Variants in CORO2B observed in about 807,000 individuals in gnomAD.
CORO2B encodes coronin-2B.
CORO2B carries 26 observed loss-of-function variants against 58.8 expected under a neutral mutation model. The ratio of observed to expected loss-of-function variants is 0.44; its 90% CI spans 0.32 to 0.61. The LOEUF is 0.61. CORO2B is among the 20% of genes least tolerant of loss of function. CORO2B has a pLI of 0.04. For missense variants in CORO2B, 460 were observed against 645.1 expected (o/e 0.71, Z 3.11); for synonymous variants, 242 against 253.8 (o/e 0.95, Z 0.44).
chr15:68,589,006 C>T (rs556671035), intron 1 of CORO2B, among the ~76,000 whole-genome samples: 1 of 152,310 alleles, frequency 6.6e-6, no homozygotes, highest in East Asian at 1.9e-4. Flanking sequence ...TTTATCATCA[C>T]AAATCTTTCT....
the CORO2B span, among the ~76,000 whole-genome samples, chr15:68,524,228 AG>A: frequency 6.6e-6 from 1 of 152,152 alleles, no homozygotes; most frequent in South Asian, 2.1e-4. Flanking sequence ...TCAAAAAAAA[AG>A]AAAAGAAAAA....
the CORO2B span, among the ~76,000 whole-genome samples, chr15:68,557,967 A>G: frequency 4.8e-3 from 728 of 152,260 alleles, 3 homozygotes; most frequent in African/African-American, 0.016. Flanking sequence ...GAAGGCCACA[A>G]CACACACCTT....
intron 1 of CORO2B, among the ~76,000 whole-genome samples, chr15:68,637,454 A>G (rs1901067031): frequency 6.6e-6 from 1 of 152,322 alleles, no homozygotes; most frequent in South Asian, 2.1e-4. Flanking sequence ...AGCAGTTGAT[A>G]ACGGTGTCTT....
the CORO2B span, among the ~76,000 whole-genome samples, chr15:68,561,516 G>A: frequency 6.6e-6 from 1 of 152,176 alleles, no homozygotes; most frequent in African/African-American, 2.4e-5. Flanking sequence ...CGGTTGTCAA[G>A]GAAACCAGGC....
chr15:68,539,643 T>C, the CORO2B span, among the ~76,000 whole-genome samples: 3 of 152,154 alleles, frequency 2.0e-5, no homozygotes, highest in Non-Finnish European at 4.4e-5. Flanking sequence ...TCTGCCAGGG[T>C]GACAGAGCAA....
intron 1 of CORO2B, among the ~76,000 whole-genome samples, chr15:68,583,429 C>G (rs1899477887): frequency 6.6e-6 from 1 of 152,166 alleles, no homozygotes; most frequent in South Asian, 2.1e-4. Flanking sequence ...AGTGCTCTTT[C>G]CACCCGGCTG....
At chr15:68,529,186 A>G in the CORO2B span, among the ~76,000 whole-genome samples, 1 of 152,170 alleles carries the variant, frequency 6.6e-6, no homozygotes, top group Non-Finnish European at 1.5e-5. Flanking sequence ...CTGTGGGTAC[A>G]TTCTTACTGT....
chr15:68,549,120 A>C, the CORO2B span, among the ~76,000 whole-genome samples: 1 of 152,194 alleles, frequency 6.6e-6, no homozygotes, highest in African/African-American at 2.4e-5. Context: ...TTGCAGAAAA[A>C]TTAGAAAATA....
chr15:68,591,453 T>C (rs558759206), intron 1 of CORO2B, among the ~76,000 whole-genome samples: 1 of 152,312 alleles, frequency 6.6e-6, no homozygotes, highest in Admixed American at 6.5e-5. Flanking sequence ...GAGCTTTGGA[T>C]GCCAAGCCAA....
chr15:68,692,279 G>A (rs970942042), intron 2 of CORO2B, among the ~76,000 whole-genome samples: 1 of 152,112 alleles, frequency 6.6e-6, no homozygotes, highest in African/African-American at 2.4e-5. Flanking sequence ...CATGTGACCC[G>A]CCTCTGCTTA....
At chr15:68,546,143 G>A in the CORO2B span, among the ~76,000 whole-genome samples, 20 of 152,086 alleles carry the variant, frequency 1.3e-4, no homozygotes, top group African/African-American at 4.6e-4. Context: ...CCTATTGATG[G>A]TCCATTCTAT....
chr15:68,683,951 T>C (rs1395428382), intron 2 of CORO2B, among the ~76,000 whole-genome samples: 1 of 152,162 alleles, frequency 6.6e-6, no homozygotes, highest in Non-Finnish European at 1.5e-5. Context: ...CTCTGATGCC[T>C]GGATAAGGAG....
chr15:68,531,543 G>GGAAA, the CORO2B span, among the ~76,000 whole-genome samples: 1 of 31,644 alleles, frequency 3.2e-5, no homozygotes, highest in Non-Finnish European at 7.4e-5. Flanking sequence ...AAGGAAGGAA[G>GGAAA]GAAGGAAGGA....
the CORO2B span, among the ~76,000 whole-genome samples, chr15:68,521,877 G>A: frequency 6.6e-6 from 1 of 151,616 alleles, no homozygotes; most frequent in Admixed American, 6.6e-5. Context: ...AGACTAGCCT[G>A]GCCAACATGG....
intron 1 of CORO2B, among the ~76,000 whole-genome samples, chr15:68,628,093 G>T (rs1347856767): frequency 6.6e-6 from 1 of 152,170 alleles, no homozygotes; most frequent in Admixed American, 6.5e-5. Context: ...GCATAATTTG[G>T]GTGGGGCTTT....
chr15:68,667,609 T>C (rs916941424), intron 2 of CORO2B, among the ~76,000 whole-genome samples: 2 of 152,212 alleles, frequency 1.3e-5, no homozygotes, highest in African/African-American at 4.8e-5. Flanking sequence ...AAACCCTGCG[T>C]GAGGAGTGGG....
chr15:68,676,543 G>C (rs1295396809), intron 2 of CORO2B, among the ~76,000 whole-genome samples: 1 of 152,208 alleles, frequency 6.6e-6, no homozygotes, highest in Admixed American at 6.5e-5. Context: ...GTGACATGGG[G>C]CTGCTATTCT....
At chr15:68,566,859 T>A in the CORO2B span, among the ~76,000 whole-genome samples, 2 of 152,300 alleles carry the variant, frequency 1.3e-5, no homozygotes, top group African/African-American at 4.8e-5. Context: ...AAACACAGCG[T>A]CATGTGCAAC....
chr15:68,545,358 C>A, the CORO2B span, among the ~76,000 whole-genome samples: 147,160 of 152,262 alleles, frequency 0.97, 71,131 homozygotes, highest in East Asian at 1. Flanking sequence ...CATGACTCCA[C>A]AGTTCATGGC....
Sources: allele counts gnomAD v4.1 joint callset (sites outside exome capture counted in the v4.1 genomes callset), GRCh38; gene constraint gnomAD v4.1.1; transcripts MANE v1.5; gene names NCBI Gene and HGNC (gene_info 2026-07-23, HGNC 2026-07-21).